ATP8A1: variants seen among roughly 807,000 people sequenced by gnomAD.
ATP8A1 encodes phospholipid-transporting ATPase IA.
A neutral mutation model predicts 177.7 loss-of-function variants in ATP8A1; 90 were observed. The ratio of observed to expected loss-of-function variants is 0.51; its 90% CI spans 0.43 to 0.60. The LOEUF is 0.60. Among genes scored for constraint, ATP8A1 ranks in the 20% least tolerant of loss-of-function variants. The pLI is 0.00. For missense variants in ATP8A1, 1,072 were observed against 1,392.8 expected (o/e 0.77, Z 3.67); for synonymous variants, 493 against 485.9 (o/e 1.01, Z -0.19).
At chr4:42,594,522 C>T (rs936314003) in intron 6 of ATP8A1, among the ~76,000 whole-genome samples, 2 of 151,882 alleles carry the variant, frequency 1.3e-5, no homozygotes, top group African/African-American at 4.8e-5. Flanking sequence ...GGAGTGAGAC[C>T]AGGGTTGGAG....
intron 24 of ATP8A1, among the ~76,000 whole-genome samples, chr4:42,492,813 T>C (rs1029798795): frequency 2.0e-5 from 3 of 152,252 alleles, no homozygotes; most frequent in African/African-American, 7.2e-5. Flanking sequence ...TTGGAAGATA[T>C]ACAACTTTCA....
chr4:42,420,093 A>AG (rs2153167030), intron 35 of ATP8A1, among the ~76,000 whole-genome samples: 1 of 152,330 alleles, frequency 6.6e-6, no homozygotes, highest in East Asian at 1.9e-4. Flanking sequence ...AAAATAATCC[A>AG]GGGGGTAAAA....
At chr4:42,592,303 T>C (rs1734261258) in intron 6 of ATP8A1, among the ~76,000 whole-genome samples, 3 of 152,176 alleles carry the variant, frequency 2.0e-5, no homozygotes, top group South Asian at 2.1e-4. Flanking sequence ...TAAGTGTTTT[T>C]AATGCTTATA....
chr4:42,437,562 T>C (rs1716135405), intron 33 of ATP8A1, among the ~76,000 whole-genome samples: 1 of 152,220 alleles, frequency 6.6e-6, no homozygotes, highest in Admixed American at 6.5e-5. Context: ...TTTCTTATTG[T>C]TGCATTTTCC....
At chr4:42,574,924 C>T (rs922992289) in intron 13 of ATP8A1, among the ~76,000 whole-genome samples, 3 of 152,202 alleles carry the variant, frequency 2.0e-5, no homozygotes, top group African/African-American at 7.2e-5. Context: ...TATCACCATA[C>T]TAGAAAACTA....
At position 42,421,019 on chromosome 4, in the gene ATP8A1, C is replaced by T. The variant is rs961524991; in HGVS notation, c.3305+1788G>A. ...TCCTGACCTCGTGATCTGCCCGCCT[C>T]GGCCTCCCAAAGTGCTGGGATTACA... On this transcript the variant is annotated intron_variant, in intron 35 of 36. Transcript: ENST00000381668. 7.2e-5 allele frequency among the ~76,000 whole-genome samples: 11 copies of T among 152,208 alleles called. No individual in the cohort carries two copies. In the East Asian group the frequency reaches 1.2e-3, roughly 16 times the overall value.
chr4:42,587,261 T>C (rs1733705894), intron 8 of ATP8A1, among the ~76,000 whole-genome samples: 1 of 152,084 alleles, frequency 6.6e-6, no homozygotes, highest in Non-Finnish European at 1.5e-5. Flanking sequence ...ATGGAGCTTA[T>C]GTAGTAAACT....
chr4:42,425,623 C>T (rs1340578958), intron 33 of ATP8A1, among the ~76,000 whole-genome samples: 1 of 151,918 alleles, frequency 6.6e-6, no homozygotes, highest in Non-Finnish European at 1.5e-5. Flanking sequence ...AGAAAGCTCC[C>T]CCTCACTCTG....
intron 1 of ATP8A1, among the ~76,000 whole-genome samples, chr4:42,636,850 G>A (rs1436765014): frequency 1.3e-5 from 2 of 152,186 alleles, no homozygotes; most frequent in African/African-American, 4.8e-5. Context: ...CAGTCAATTT[G>A]CCATCTGGAG....
intron 22 of ATP8A1, among the ~76,000 whole-genome samples, chr4:42,518,836 A>G (rs1323605307): frequency 6.6e-6 from 1 of 152,212 alleles, no homozygotes; most frequent in Admixed American, 6.5e-5. Flanking sequence ...AAGCCAGGGT[A>G]ACATTCTGGA....
At chr4:42,614,178 T>C (rs1222076365) in intron 5 of ATP8A1, among the ~76,000 whole-genome samples, 1 of 152,152 alleles carries the variant, frequency 6.6e-6, no homozygotes, top group Non-Finnish European at 1.5e-5. Context: ...AATTTTTTTT[T>C]TGGAGGTAAG....
chr4:42,479,613 A>G (rs931624085), intron 25 of ATP8A1, among the ~76,000 whole-genome samples: 1 of 152,248 alleles, frequency 6.6e-6, no homozygotes, highest in African/African-American at 2.4e-5. Flanking sequence ...GTGCTGATGT[A>G]CTGATGACTG....
intron 9 of ATP8A1, among the ~76,000 whole-genome samples, chr4:42,584,073 G>C (rs190755130): frequency 6.6e-6 from 1 of 152,328 alleles, no homozygotes; most frequent in African/African-American, 2.4e-5. Flanking sequence ...GAGGATGACA[G>C]TTCAGGGTAT....
intron 14 of ATP8A1, among the ~76,000 whole-genome samples, chr4:42,572,033 T>C (rs886696142): frequency 3.5e-4 from 53 of 152,320 alleles, no homozygotes; most frequent in Middle Eastern, 3.4e-3. Flanking sequence ...CAGAACTCAC[T>C]TGAACCCTAT....
intron 27 of ATP8A1, among the ~76,000 whole-genome samples, 174 bp from the exon 28 acceptor site, chr4:42,455,773 T>C (rs1477632388): frequency 1.3e-5 from 2 of 152,214 alleles, no homozygotes; most frequent in Non-Finnish European, 2.9e-5. Flanking sequence ...GATGCTTTCA[T>C]AGGGTATTTG....
intron 9 of ATP8A1, 95 bp downstream of exon 9, chr4:42,586,254 A>G: frequency 7.0e-7 from 1 of 1,425,280 alleles, no homozygotes; most frequent in Non-Finnish European, 9.5e-7. Context: ...CAAACTTAGC[A>G]CACAAGAAGA....
intron 2 of ATP8A1, chr4:42,626,724 G>A (rs569427877): frequency 4.4e-6 from 2 of 453,352 alleles, no homozygotes; most frequent in Non-Finnish European, 8.1e-6. Flanking sequence ...TTAGGACAGA[G>A]GCATTTACAC....
intron 15 of ATP8A1, among the ~76,000 whole-genome samples, chr4:42,562,627 T>C (rs764589124): frequency 9.2e-5 from 14 of 152,258 alleles, no homozygotes; most frequent in Non-Finnish European, 1.6e-4. Flanking sequence ...GTTTTCTATG[T>C]GATATTGTTT....
chr4:42,536,987 C>T (rs781693928), intron 20 of ATP8A1, among the ~76,000 whole-genome samples: 2 of 151,944 alleles, frequency 1.3e-5, no homozygotes, highest in Non-Finnish European at 2.9e-5. Flanking sequence ...ACAAAATTAG[C>T]CAGGCATGGT....
Sources: allele counts gnomAD v4.1 joint callset (sites outside exome capture counted in the v4.1 genomes callset), GRCh38; gene constraint gnomAD v4.1.1; transcripts MANE v1.5; gene names NCBI Gene and HGNC (gene_info 2026-07-23, HGNC 2026-07-21).